Variants in TFPI observed in about 807,000 individuals in gnomAD.
TFPI encodes tissue factor pathway inhibitor.
TFPI carries 15 observed loss-of-function variants against 34.6 expected under a neutral mutation model. That is an observed-to-expected ratio of 0.43 (90% CI 0.29 to 0.67). TFPI has a LOEUF of 0.67. TFPI is among the 30% of genes least tolerant of loss of function. The probability of loss-of-function intolerance (pLI) is 0.15; values close to 1 mark genes in which losing one functional copy is unlikely to be tolerated. For missense variants in TFPI, 301 were observed against 364.0 expected (o/e 0.83, Z 1.41); for synonymous variants, 105 against 120.1 (o/e 0.87, Z 0.82).
chr2:187,512,884 T>C (rs1250126420), intron 1 of TFPI, among the ~76,000 whole-genome samples: 1 of 152,108 alleles, frequency 6.6e-6, no homozygotes, highest in African/African-American at 2.4e-5. Flanking sequence ...AGTCAGAAAG[T>C]TAACGCATGT....
At chr2:187,510,057 A>G (rs145709474) in intron 1 of TFPI, among the ~76,000 whole-genome samples, 178 of 152,286 alleles carry the variant, frequency 1.2e-3, no homozygotes, top group Middle Eastern at 6.8e-3. Flanking sequence ...AAGTTAGCCA[A>G]TCAAGTTCAG....
chr2:187,527,632 T>C (rs1315021169), intron 1 of TFPI, among the ~76,000 whole-genome samples: 3 of 152,196 alleles, frequency 2.0e-5, no homozygotes, highest in Non-Finnish European at 4.4e-5. Context: ...GTTCTTTATA[T>C]ATGACATAAA....
intron 1 of TFPI, chr2:187,516,832 G>A (rs1250312363): frequency 1.3e-5 from 2 of 152,304 alleles, no homozygotes; most frequent in South Asian, 2.1e-4. Context: ...TCCCTTTCCT[G>A]TTCTGTTCCG....
chr2:187,503,919 A>G (rs1474578960), intron 1 of TFPI, 149 bp from the exon 2 acceptor site: 2 of 750,324 alleles, frequency 2.7e-6, no homozygotes, highest in South Asian at 5.2e-5. Context: ...ATACTCAATG[A>G]GTCATACTTA....
At chr2:187,478,687 A>C (rs200076339) in intron 6 of TFPI, 83 of 1,613,102 alleles carry the variant, frequency 5.1e-5, no homozygotes, top group Non-Finnish European at 6.2e-5. Context: ...TAACATAGGC[A>C]TGAAATGCTA....
At position 187,467,742 on chromosome 2, in the gene TFPI, A is replaced by G; in HGVS notation, c.808+11T>C. The G allele has an allele frequency of 6.4e-7, 1 of 1,573,778 alleles. No individual in the cohort carries two copies. On this transcript the variant is annotated intron_variant, in intron 7 of 7. Transcript: ENST00000233156. The stretch of plus-strand genomic sequence containing the variant: ...ACACTAGTCAATTAATGGGAAGAGT[A>G]TCTTCTATACCTTTTTTACATGCCC...
chr2:187,485,047 T>C, intron 4 of TFPI, 60 bp from the exon 5 acceptor site: 1 of 1,242,288 alleles, frequency 8.0e-7, no homozygotes. Context: ...TTACTGATTT[T>C]AATAAAATTT....
intron 1 of TFPI, chr2:187,514,570 A>T (rs1320837063): frequency 6.6e-6 from 1 of 152,194 alleles, no homozygotes; most frequent in Non-Finnish European, 1.5e-5. Context: ...TGAGCTTAAG[A>T]ATTTTCAAGA....
intron 7 of TFPI, 116 bp downstream of exon 7, chr2:187,467,637 C>A: frequency 1.1e-6 from 1 of 926,154 alleles, no homozygotes; most frequent in Non-Finnish European, 1.5e-6. Context: ...CATTTATTAG[C>A]TAGATTATAC....
chr2:187,496,843 T>C, intron 3 of TFPI, 38 bp downstream of exon 3: 1 of 1,589,088 alleles, frequency 6.3e-7, no homozygotes, highest in South Asian at 1.1e-5. Context: ...TCAATAGCCC[T>C]AAAGGGTCTT....
chr2:187,498,384 C>A (rs1014152805), intron 2 of TFPI, among the ~76,000 whole-genome samples: 20 of 151,510 alleles, frequency 1.3e-4, no homozygotes, highest in Non-Finnish European at 4.4e-5. Context: ...TTCTAATAAT[C>A]AATTTTGAAT....
intron 1 of TFPI, chr2:187,526,964 C>T (rs772481688): frequency 6.6e-6 from 1 of 152,178 alleles, no homozygotes; most frequent in Non-Finnish European, 1.5e-5. Context: ...TGATTACTTC[C>T]ATCCACTCAA....
chr2:187,549,919 C>T (rs529318573), intron 1 of TFPI, among the ~76,000 whole-genome samples: 1 of 151,920 alleles, frequency 6.6e-6, no homozygotes, highest in South Asian at 2.1e-4. Flanking sequence ...TTATATTGGT[C>T]AGTGGAGAGC....
chr2:187,490,638 G>C (rs1442825561), intron 3 of TFPI, among the ~76,000 whole-genome samples: 1 of 151,482 alleles, frequency 6.6e-6, no homozygotes, highest in Non-Finnish European at 1.5e-5. Context: ...ACAACATGTA[G>C]TTAGTTCTTG....
chr2:187,474,762 A>G (rs892343528), intron 6 of TFPI, among the ~76,000 whole-genome samples: 2 of 152,216 alleles, frequency 1.3e-5, no homozygotes, highest in Non-Finnish European at 2.9e-5. Context: ...GTTATGAAAC[A>G]TTATAGAATA....
At chr2:187,469,003 C>T (rs1467064166) in intron 6 of TFPI, among the ~76,000 whole-genome samples, 1 of 151,844 alleles carries the variant, frequency 6.6e-6, no homozygotes, top group Non-Finnish European at 1.5e-5. Flanking sequence ...ATAGATTGTG[C>T]TTTAAGCAAG....
chr2:187,539,332 T>G (rs553683223), intron 1 of TFPI, among the ~76,000 whole-genome samples: 2 of 152,142 alleles, frequency 1.3e-5, no homozygotes, highest in Non-Finnish European at 2.9e-5. Flanking sequence ...ATGGAGCAAA[T>G]AAATATATTG....
At chr2:187,474,846 T>C (rs1313324182) in intron 6 of TFPI, among the ~76,000 whole-genome samples, 2 of 152,100 alleles carry the variant, frequency 1.3e-5, no homozygotes, top group Non-Finnish European at 1.5e-5. Flanking sequence ...CTTAGAAAAA[T>C]ATCTGAATAT....
At chr2:187,468,254 TAC>T (rs1167590915) in intron 6 of TFPI, among the ~76,000 whole-genome samples, 1 of 104,652 alleles carries the variant, frequency 9.6e-6, no homozygotes, top group Non-Finnish European at 1.9e-5. Context: ...GAAAATTTCT[TAC>T]AGACACACAC....
Sources: allele counts gnomAD v4.1 joint callset (sites outside exome capture counted in the v4.1 genomes callset), GRCh38; gene constraint gnomAD v4.1.1; transcripts MANE v1.5; gene names NCBI Gene and HGNC (gene_info 2026-07-23, HGNC 2026-07-21).